The following CHD9 variants were observed in gnomAD, a reference collection of about 807,000 sequenced individuals.
The protein encoded by CHD9 is ATP-dependent chromatin remodeler CHD9.
In CHD9, 77 loss-of-function variants were observed where a neutral mutation model predicts 316.1. The observed-to-expected ratio is 0.24, with a 90% CI of 0.20 to 0.29. CHD9 has a LOEUF of 0.29. Among genes scored for constraint, CHD9 ranks in the 10% least tolerant of loss-of-function variants. The probability of loss-of-function intolerance (pLI) is 1.00; values close to 1 mark genes in which losing one functional copy is unlikely to be tolerated. For missense variants in CHD9, 2,763 were observed against 3,438.1 expected (o/e 0.80, Z 4.91); for synonymous variants, 1,129 against 1,158.3 (o/e 0.97, Z 0.51).
chr16:53,127,150 T>G (rs1030632286), intron 1 of CHD9, among the ~76,000 whole-genome samples: 4 of 151,634 alleles, frequency 2.6e-5, no homozygotes, highest in Admixed American at 2.6e-4. Context: ...TTTGCAGAGA[T>G]AAGGTTTTAC....
At chr16:53,120,736 G>A (rs1170430211) in intron 1 of CHD9, among the ~76,000 whole-genome samples, 1 of 152,244 alleles carries the variant, frequency 6.6e-6, no homozygotes, top group Non-Finnish European at 1.5e-5. Flanking sequence ...CAGGTGCAGT[G>A]GCTCACGCCT....
intron 10 of CHD9, among the ~76,000 whole-genome samples, 156 bp downstream of exon 10, chr16:53,231,940 T>A (rs923380801): frequency 6.6e-6 from 1 of 151,996 alleles, no homozygotes; most frequent in Non-Finnish European, 1.5e-5. Context: ...TAAGAGGGAG[T>A]TTATATGTGA....
intron 1 of CHD9, among the ~76,000 whole-genome samples, chr16:53,091,307 G>A (rs919212396): frequency 6.6e-5 from 10 of 152,208 alleles, no homozygotes; most frequent in Non-Finnish European, 1.2e-4. Flanking sequence ...GGGTGACCTT[G>A]GGCAAGCTGC....
intron 2 of CHD9, among the ~76,000 whole-genome samples, chr16:53,206,991 T>G (rs1165074811): frequency 6.6e-6 from 1 of 152,226 alleles, no homozygotes; most frequent in Non-Finnish European, 1.5e-5. Context: ...TCGTCCTTAC[T>G]TGTCCTCTGC....
chr16:53,166,934 C>G (rs940684248), intron 2 of CHD9, among the ~76,000 whole-genome samples: 1 of 152,036 alleles, frequency 6.6e-6, no homozygotes, highest in African/African-American at 2.4e-5. Flanking sequence ...AATTTTTGAC[C>G]TGAACATGGT....
In CHD9 at chr16:53,238,430, A is replaced by G. The variant is rs747720485; in HGVS notation, c.2721A>G (p.Ile907Met). 1 of 1,613,234 alleles carries G rather than the reference A, an allele frequency of 6.2e-7. No individual in the cohort carries two copies. Among genetic ancestry groups the G allele is most frequent in the Admixed American group, 1.7e-5 (1 of 59,964 alleles). ...TFLYEILLTG[I>M]RGPFLIIAPL... ...TCTATGAAATCCTTCTGACTGGTATAAGAGGACCTTTCCTGATTATTGCTC... is the reference window on the plus strand; with the variant it reads ...TCTATGAAATCCTTCTGACTGGTATGAGAGGACCTTTCCTGATTATTGCTC... The change falls in exon 12 of 39, where the codon ATA becomes ATG. Residue 907 changes from isoleucine to methionine, a missense_variant. This residue lies in a region of CHD9 where 186 missense variants were observed against 245.0 expected (regional missense o/e 0.76). Coordinates refer to ENST00000447540, the MANE Select transcript of CHD9 (RefSeq NM_001308319.2).
At chr16:53,316,245 C>A (rs2056877078) in intron 36 of CHD9, among the ~76,000 whole-genome samples, 1 of 152,154 alleles carries the variant, frequency 6.6e-6, no homozygotes, top group Non-Finnish European at 1.5e-5. Context: ...AATGGGAATC[C>A]TGAGTTGAAC....
chr16:53,101,519 G>A (rs1485322679), intron 1 of CHD9, among the ~76,000 whole-genome samples: 1 of 152,094 alleles, frequency 6.6e-6, no homozygotes, highest in Non-Finnish European at 1.5e-5. Flanking sequence ...GTAAACTTAT[G>A]AAGTTACTGC....
intron 2 of CHD9, among the ~76,000 whole-genome samples, chr16:53,206,141 G>A (rs1425527535): frequency 6.6e-6 from 1 of 151,772 alleles, no homozygotes; most frequent in Non-Finnish European, 1.5e-5. Context: ...TAGTAGAGGC[G>A]ATTTTTCCTC....
chr16:53,212,176 C>T (rs1346465160), intron 3 of CHD9, among the ~76,000 whole-genome samples: 1 of 151,984 alleles, frequency 6.6e-6, no homozygotes, highest in African/African-American at 2.4e-5. Context: ...CCGAGGCGGG[C>T]GGATCACGAG....
intron 2 of CHD9, chr16:53,208,510 G>T (rs1273249061): frequency 1.2e-5 from 13 of 1,100,534 alleles, no homozygotes; most frequent in Non-Finnish European, 1.5e-5. Context: ...ATTTGTTATA[G>T]CCTGTAGGCC....
intron 1 of CHD9, among the ~76,000 whole-genome samples, chr16:53,114,871 G>A (rs1299503573): frequency 1.3e-5 from 2 of 152,250 alleles, no homozygotes; most frequent in African/African-American, 4.8e-5. Flanking sequence ...ACAGGCGTGA[G>A]CCACCGTGCC....
At chr16:53,146,746 C>A (rs1185557382) in intron 1 of CHD9, among the ~76,000 whole-genome samples, 2 of 150,866 alleles carry the variant, frequency 1.3e-5, no homozygotes, top group Non-Finnish European at 2.9e-5. Context: ...TTACAGTGAA[C>A]CGAGATCGTA....
intron 25 of CHD9, 38 bp from the exon 26 acceptor site, chr16:53,286,182 CTTCTTT>C (rs1198187766): frequency 8.5e-7 from 1 of 1,173,342 alleles, no homozygotes; most frequent in Non-Finnish European, 1.3e-6. Context: ...ATACACCTTT[CTTCTTT>C]TTATCTTTTT....
At chr16:53,239,129 T>C (rs779543211) in intron 12 of CHD9, among the ~76,000 whole-genome samples, 1 of 152,154 alleles carries the variant, frequency 6.6e-6, no homozygotes, top group Non-Finnish European at 1.5e-5. Flanking sequence ...TTCAGTACTC[T>C]AGTGGTTTGA....
At position 53,142,360 on chromosome 16, in the gene CHD9, G is replaced by T. The variant is rs575827505; in HGVS notation, c.-164-13566G>T. Among the ~76,000 whole-genome samples, 7 of 152,206 alleles carry T rather than the reference G, an allele frequency of 4.6e-5. No homozygotes were observed. The South Asian group carries it at 1.5e-3, about 32-fold the overall frequency. ...CAAGAGATCCGCCTGCCTTGCCCTC[G>T]CAAAGTGCTAGGATTACAGGCGTGA... is the stretch of plus-strand genomic sequence containing the variant. On this transcript the variant is annotated intron_variant, in intron 1 of 38. Coordinates refer to ENST00000447540, the MANE Select transcript of CHD9 (RefSeq NM_001308319.2).
intron 12 of CHD9, among the ~76,000 whole-genome samples, chr16:53,239,602 C>G (rs1720116406): frequency 1.3e-5 from 2 of 151,944 alleles, no homozygotes; most frequent in African/African-American, 4.8e-5. Flanking sequence ...AGTATTTTTT[C>G]TTTCCCTCAT....
chr16:53,201,223 T>C (rs1460846785), intron 2 of CHD9, among the ~76,000 whole-genome samples: 1 of 152,202 alleles, frequency 6.6e-6, no homozygotes, highest in African/African-American at 2.4e-5. Context: ...AGGTTTGTGA[T>C]TTGATGTTTT....
At chr16:53,272,051 G>A (rs984944326) in intron 22 of CHD9, among the ~76,000 whole-genome samples, 1 of 151,940 alleles carries the variant, frequency 6.6e-6, no homozygotes, top group Non-Finnish European at 1.5e-5. Context: ...ATTTTCACCT[G>A]TTAAAAGAGG....
Sources: gnomAD v4.1 joint callset for allele counts (sites outside exome capture counted in the v4.1 genomes callset) on GRCh38, gnomAD v4.1.1 for gene constraint, gnomAD v4.1.1 regional missense constraint, MANE v1.5 for transcripts, NCBI Gene and HGNC (gene_info 2026-07-23, HGNC 2026-07-21) for gene names.